Variants in NR4A3 observed in about 807,000 individuals in gnomAD.
NR4A3 encodes chondrosarcoma, extraskeletal myxoid, fused to EWS.
NR4A3 carries 13 observed loss-of-function variants against 55.6 expected under a neutral mutation model. The observed-to-expected ratio is 0.23, with a 90% CI of 0.15 to 0.37. The LOEUF (loss-of-function observed/expected upper bound fraction) is 0.37, where lower values mean the gene tolerates loss of function less well. Ranked by LOEUF, NR4A3 falls within the 10% of genes least tolerant of loss-of-function variation. The pLI, the probability that NR4A3 is intolerant of heterozygous loss-of-function variation, is 1.00. For synonymous variants in NR4A3, 342 were observed against 357.9 expected, an observed-to-expected ratio of 0.96 and a Z score of 0.50; for missense variants, 646 against 822.8, an observed-to-expected ratio of 0.79 and a Z score of 2.63.
intron 7 of NR4A3, among the ~76,000 whole-genome samples, chr9:99,860,363 T>C (rs1827991838): frequency 6.6e-6 from 1 of 152,194 alleles, no homozygotes; most frequent in African/African-American, 2.4e-5. Flanking sequence ...TTTGCTTTTG[T>C]TTTGTTTTGT....
chr9:99,862,967 G>T (rs901197363), intron 7 of NR4A3, among the ~76,000 whole-genome samples: 1 of 152,080 alleles, frequency 6.6e-6, no homozygotes, highest in African/African-American at 2.4e-5. Context: ...GGTCAACAGG[G>T]GTTTCAAGTG....
intron 7 of NR4A3, among the ~76,000 whole-genome samples, chr9:99,848,327 T>A (rs1587883752): frequency 6.6e-6 from 1 of 152,212 alleles, no homozygotes; most frequent in African/African-American, 2.4e-5. Context: ...AGCAGTTTTT[T>A]ATTTTTATTT....
chr9:99,866,660 TGGC>T lies in NR4A3; in HGVS notation c.*2796_*2798del. 4.4e-6 allele frequency: 1 copy of T among 225,138 alleles called. No homozygotes were observed. The highest frequency in any genetic ancestry group is 1.8e-4 in the South Asian group (1 of 5,438). 13.9% of individuals were successfully genotyped at this position (225,138 alleles called of 1,614,324 possible). A position where few individuals can be genotyped will look rare whatever the true frequency, so the allele number is the denominator to read the frequency against. ...TATTAAAGCAGGTGATTCCTCCCCT[TGGC>T]GGGAGAGCTCTCTCAGTGTGAACAT... is the stretch of plus-strand genomic sequence containing the variant. On this transcript the variant is annotated 3_prime_UTR_variant, in exon 8 of 8. Transcript: ENST00000395097.
intron 7 of NR4A3, among the ~76,000 whole-genome samples, chr9:99,861,818 C>G (rs748157774): frequency 3.9e-5 from 6 of 151,998 alleles, no homozygotes; most frequent in African/African-American, 1.2e-4. Flanking sequence ...GAGCCAGGCA[C>G]GGTAGCTCAT....
In NR4A3 at chr9:99,847,576, C is replaced by G. The variant is rs772602292; in HGVS notation, c.1594C>G (p.Gln532Glu). 1.9e-6 allele frequency: 3 copies of G among 1,613,992 alleles called. No individual in the cohort carries two copies. The highest frequency in any genetic ancestry group is 2.7e-5 in the African/African-American group (2 of 74,886). The change falls in exon 7 of 8, where the codon CAA (glutamine) becomes GAA (glutamate). Residue 532 changes from glutamine to glutamate, a missense_variant. Physicochemically the swap from Gln to Glu is conservative, Grantham distance 29. Transcript: ENST00000395097. ...LNLQSLNLDI[Q>E]ALACLSALSM... The stretch of plus-strand genomic sequence containing the variant: ...TTTGCAGAGCCTGAACCTTGATATC[C>G]AAGCCTTAGCCTGCCTGTCAGCACT...
rs1219573118 is a variant in NR4A3, at chr9:99,828,705, C to G, written c.663C>G (p.Leu221=). 6 of 1,312,702 alleles carry G rather than the reference C, an allele frequency of 4.6e-6. No homozygotes were observed. The African/African-American group carries it at 9.3e-5, about 20-fold the overall frequency. 81.3% of individuals were successfully genotyped at this position (1,312,702 alleles called of 1,614,324 possible). A position where few individuals can be genotyped will look rare whatever the true frequency, so the allele number is the denominator to read the frequency against. The change falls in exon 3 of 8, where the codon CTC becomes CTG. Residue 221 remains leucine (L), a synonymous_variant. Transcript: ENST00000395097. This position sits in a 1 kb window ranked among gnomAD's most constrained non-coding sequence, Gnocchi z 7.7. ...LGYDPTAAAA[L]SLPLGAAAAA... ...ACGACCCGACGGCCGCTGCCGCGCT[C>G]AGCCTGCCGCTGGGAGCCGCAGCCG...
chr9:99,861,536 G>A (rs1489348955), intron 7 of NR4A3, among the ~76,000 whole-genome samples: 1 of 151,896 alleles, frequency 6.6e-6, no homozygotes, highest in African/African-American at 2.4e-5. Flanking sequence ...AAGGGAGGGA[G>A]GGAAGGAAGG....
intron 7 of NR4A3, among the ~76,000 whole-genome samples, chr9:99,851,191 C>G (rs1018284376): frequency 1.3e-5 from 2 of 152,136 alleles, no homozygotes; most frequent in Non-Finnish European, 2.9e-5. Context: ...AACAAACACT[C>G]TCTTTGTGAC....
chr9:99,826,879 G>T, intron 2 of NR4A3: 1 of 1,391,630 alleles, frequency 7.2e-7, no homozygotes, highest in South Asian at 1.2e-5. Flanking sequence ...AGACTCCAAA[G>T]AGGCGTTAAG....
At chr9:99,851,320 C>G (rs893997203) in intron 7 of NR4A3, among the ~76,000 whole-genome samples, 1 of 152,118 alleles carries the variant, frequency 6.6e-6, no homozygotes, top group African/African-American at 2.4e-5. Flanking sequence ...TATGAGCTGC[C>G]ATGGATCTTG....
chr9:99,833,637 T>C, intron 5 of NR4A3, 183 bp downstream of exon 5: 6 of 1,595,352 alleles, frequency 3.8e-6, no homozygotes, highest in Non-Finnish European at 5.1e-6. Context: ...AATTTTTGCC[T>C]TATTGAATCT....
chr9:99,864,278 AGGGTAGG>A lies in NR4A3; in HGVS notation c.*412_*418del, dbSNP rs1828056263. On this transcript the variant is annotated 3_prime_UTR_variant, in exon 8 of 8. Transcript: ENST00000395097. ...CAAGAACAGCCAAGGGTTGTTCGCC[AGGGTAGG>A]ATGTGTCTTAAAGATTGGTCCCTTG... 4.1e-6 allele frequency: 1 copy of A among 243,928 alleles called. No homozygotes were observed. The highest frequency in any genetic ancestry group is 2.2e-5 in the African/African-American group (1 of 45,354). 15.1% of individuals were successfully genotyped at this position (243,928 alleles called of 1,614,324 possible).
chr9:99,828,307 G>A lies in NR4A3; in HGVS notation c.265G>A (p.Gly89Arg), dbSNP rs776734814. Residue 89 changes from glycine to arginine, a missense_variant, in exon 3 of 8, where the codon GGG becomes AGG. Coordinates refer to ENST00000395097, the MANE Select transcript of NR4A3 (RefSeq NM_006981.4). This position sits in a 1 kb window ranked among gnomAD's most constrained non-coding sequence, Gnocchi z 7.7. Reference sequence around the variant, plus strand: ...GCGGCCCTTGATCAAAGTGGAGGAGGGGCGGGCGCCCAGCTACCATCACCA... The same window carrying A: ...GCGGCCCTTGATCAAAGTGGAGGAGAGGCGGGCGCCCAGCTACCATCACCA... ...MQRPLIKVEE[G>R]RAPSYHHHHH... The A allele has an allele frequency of 3.3e-5, 54 of 1,613,098 alleles. No homozygotes were observed. The South Asian group carries it at 3.5e-4, about 10-fold the overall frequency.
intron 3 of NR4A3, among the ~76,000 whole-genome samples, chr9:99,832,324 A>T (rs138063223): frequency 5.3e-5 from 8 of 152,316 alleles, no homozygotes; most frequent in Middle Eastern, 3.4e-3. Flanking sequence ...TTTTATTTTA[A>T]TAAGGTCAGC....
chr9:99,863,835 G>C lies in NR4A3; in HGVS notation c.1849G>C (p.Asp617His). The C allele has an allele frequency of 6.2e-7, 1 of 1,613,810 alleles. No homozygotes were observed. Among genetic ancestry groups the C allele is most frequent in the Non-Finnish European group, 8.5e-7 (1 of 1,179,884 alleles). ...CTTGGTGTCTCCACCTTCCATCATT[G>C]ACAAGCTCTTCCTGGACACCCTACC... Reference protein sequence around the residue: ...EDLVSPPSIIDKLFLDTLPF With the variant: ...EDLVSPPSIIHKLFLDTLPF Residue 617 changes from aspartate (D) to histidine (H), a missense_variant, in exon 8 of 8, where the codon GAC becomes CAC. This residue lies in a region of NR4A3 where 12 missense variants were observed against 21.9 expected (regional missense o/e 0.55). Transcript: ENST00000395097.
chr9:99,843,385 C>T (rs1212496486), intron 5 of NR4A3, among the ~76,000 whole-genome samples: 3 of 152,206 alleles, frequency 2.0e-5, no homozygotes, highest in Non-Finnish European at 2.9e-5. Context: ...CCAAAGAGAC[C>T]TCTCTTTCCA....
At position 99,828,583 on chromosome 9, in the gene NR4A3, C is replaced by T. The variant is rs1827365005; in HGVS notation, c.541C>T (p.Pro181Ser). The T allele has an allele frequency of 6.4e-7, 1 of 1,561,790 alleles. No homozygotes were observed. Among genetic ancestry groups the T allele is most frequent in the African/African-American group, 1.4e-5 (1 of 72,538 alleles). The change falls in exon 3 of 8, where the codon CCC becomes TCC. Residue 181 changes from proline to serine, a missense_variant. By Grantham distance (74) the Pro-to-Ser change is moderately conservative. Transcript: ENST00000395097. The surrounding 1 kb of genome is among the most constrained non-coding windows in gnomAD (Gnocchi z 7.7). ...GCTGGACCCGCCGATGAAGGCGGTC[C>T]CCACGGTGGCCGGCGCGCGCTTCCC... ...PLLDPPMKAV[P>S]TVAGARFPLF...
intron 6 of NR4A3, among the ~76,000 whole-genome samples, chr9:99,845,855 AG>A (rs1455438964): frequency 6.6e-6 from 1 of 152,220 alleles, no homozygotes; most frequent in Non-Finnish European, 1.5e-5. Flanking sequence ...TGGAGGGATC[AG>A]TAGGAGAGAT....
At chr9:99,834,933 C>T (rs1000922255) in intron 5 of NR4A3, 1 of 984,782 alleles carries the variant, frequency 1.0e-6, no homozygotes, top group East Asian at 1.1e-4. Context: ...AATAATAAGA[C>T]TAAGTTAACA....
Sources: allele counts gnomAD v4.1 joint callset (sites outside exome capture counted in the v4.1 genomes callset), GRCh38; gene constraint gnomAD v4.1.1; regional missense constraint gnomAD v4.1.1; non-coding constraint Gnocchi (gnomAD v3.1); transcripts MANE v1.5; gene names NCBI Gene and HGNC (gene_info 2026-07-23, HGNC 2026-07-21).